PDE4B: variants seen among roughly 807,000 people sequenced by gnomAD.
The protein encoded by PDE4B is 3',5'-cyclic-AMP phosphodiesterase 4B.
PDE4B carries 20 observed loss-of-function variants against 82.2 expected under a neutral mutation model. The ratio of observed to expected loss-of-function variants is 0.24; its 90% CI spans 0.17 to 0.35. PDE4B has a LOEUF of 0.35. PDE4B is among the 10% of genes least tolerant of loss of function. PDE4B has a pLI of 1.00. For synonymous variants in PDE4B, 320 were observed against 318.9 expected (o/e 1.00, Z -0.04); for missense variants, 655 against 907.2 (o/e 0.72, Z 3.57).
At chr1:65,883,559 G>A (rs1646734835) in intron 1 of PDE4B, among the ~76,000 whole-genome samples, 1 of 152,164 alleles carries the variant, frequency 6.6e-6, no homozygotes, top group African/African-American at 2.4e-5. Context: ...ATTTTGGGCT[G>A]AGACAATGGG....
At chr1:66,241,448 ATATT>A (rs1251391671) in intron 3 of PDE4B, among the ~76,000 whole-genome samples, 43 of 152,334 alleles carry the variant, frequency 2.8e-4, no homozygotes, top group African/African-American at 7.7e-4. Flanking sequence ...AAATGGATAA[ATATT>A]TATTTGTTTT....
At chr1:66,273,884 A>C (rs1299353530) in intron 7 of PDE4B, among the ~76,000 whole-genome samples, 2 of 152,268 alleles carry the variant, frequency 1.3e-5, no homozygotes, top group African/African-American at 4.8e-5. Flanking sequence ...TAGTGCTGAC[A>C]TCCCTTGCTA....
chr1:66,162,930 A>G (rs1646646983), intron 3 of PDE4B, among the ~76,000 whole-genome samples: 1 of 152,192 alleles, frequency 6.6e-6, no homozygotes, highest in South Asian at 2.1e-4. Flanking sequence ...ACCCAAGTCA[A>G]CTTTTATTAC....
chr1:65,909,795 T>A, intron 1 of PDE4B, among the ~76,000 whole-genome samples: 1 of 152,202 alleles, frequency 6.6e-6, no homozygotes, highest in Non-Finnish European at 1.5e-5. Flanking sequence ...CTTACAACAT[T>A]TGCCTTAAAT....
intron 4 of PDE4B, among the ~76,000 whole-genome samples, chr1:66,255,292 T>C (rs1654124578): frequency 6.6e-6 from 1 of 152,118 alleles, no homozygotes; most frequent in Non-Finnish European, 1.5e-5. Context: ...TCCTCCATGT[T>C]GATCAGACTG....
intron 3 of PDE4B, among the ~76,000 whole-genome samples, chr1:66,210,920 T>A (rs1023742383): frequency 6.6e-6 from 1 of 152,216 alleles, no homozygotes; most frequent in Non-Finnish European, 1.5e-5. Context: ...TGCCTTCAGA[T>A]GGTTGTGTCT....
At chr1:66,286,500 A>G (rs1656686222) in intron 7 of PDE4B, among the ~76,000 whole-genome samples, 1 of 152,126 alleles carries the variant, frequency 6.6e-6, no homozygotes, top group Non-Finnish European at 1.5e-5. Context: ...GTGAAACATT[A>G]TTATTAATAA....
At chr1:66,264,453 C>T (rs1390612371) in intron 6 of PDE4B, among the ~76,000 whole-genome samples, 2 of 152,136 alleles carry the variant, frequency 1.3e-5, no homozygotes, top group Non-Finnish European at 2.9e-5. Context: ...CTCTGAGCTT[C>T]AGTTTTCTTA....
At chr1:66,158,285 G>A (rs1646540591) in intron 3 of PDE4B, among the ~76,000 whole-genome samples, 1 of 152,196 alleles carries the variant, frequency 6.6e-6, no homozygotes, top group African/African-American at 2.4e-5. Flanking sequence ...TATAGGATGA[G>A]AAAAGGTAAC....
chr1:66,350,582 C>T (rs910924198), intron 8 of PDE4B, among the ~76,000 whole-genome samples: 1 of 152,098 alleles, frequency 6.6e-6, no homozygotes, highest in African/African-American at 2.4e-5. Context: ...TTTATACTAG[C>T]TTCCTGTGTT....
chr1:65,892,571 G>A (rs1445824174), intron 1 of PDE4B, among the ~76,000 whole-genome samples: 1 of 151,982 alleles, frequency 6.6e-6, no homozygotes, highest in Non-Finnish European at 1.5e-5. Flanking sequence ...CCACTTAAAA[G>A]CGTGTCTGCA....
At chr1:66,263,761 GTAACTTAACCTTAAGTTAACCT>G (rs928976305) in intron 6 of PDE4B, among the ~76,000 whole-genome samples, 2 of 152,160 alleles carry the variant, frequency 1.3e-5, no homozygotes, top group African/African-American at 2.4e-5. Context: ...GGTTTGATGG[GTAACTTAACCTTAAGTTAACCT>G]TAACTTAACC....
intron 3 of PDE4B, among the ~76,000 whole-genome samples, chr1:66,222,946 G>T (rs1165541100): frequency 6.6e-6 from 1 of 152,256 alleles, no homozygotes; most frequent in African/African-American, 2.4e-5. Context: ...AATAATAAAA[G>T]ATAATTTAAA....
chr1:65,945,533 A>T (rs775608899), intron 3 of PDE4B, among the ~76,000 whole-genome samples: 2 of 151,956 alleles, frequency 1.3e-5, no homozygotes, highest in Non-Finnish European at 2.9e-5. Flanking sequence ...TTGCCACCGA[A>T]TGGCAGGTTG....
At chr1:66,266,356 A>T (rs1165458042) in intron 7 of PDE4B, among the ~76,000 whole-genome samples, 1 of 152,224 alleles carries the variant, frequency 6.6e-6, no homozygotes, top group Non-Finnish European at 1.5e-5. Flanking sequence ...TTCCCCAAAG[A>T]GGAGCAGGAG....
chr1:66,305,738 T>C (rs611838), intron 7 of PDE4B, among the ~76,000 whole-genome samples: 93,556 of 152,002 alleles, frequency 0.62, 29,366 homozygotes, highest in African/African-American at 0.7. Flanking sequence ...GTCTTCCTGG[T>C]AACTCCTTAA....
In PDE4B at chr1:66,363,541, C is replaced by T. The variant is rs1357901223; in HGVS notation, c.1254C>T (p.Thr418=). The change falls in exon 12 of 17, where the codon ACC becomes ACT. Residue 418 remains threonine (T), a synonymous_variant. Coordinates refer to ENST00000341517, the MANE Select transcript of PDE4B (RefSeq NM_002600.4). The part of the protein sequence containing the change: ...SLHAADVAQS[T]HVLLSTPALD... ...ACGCTGCTGATGTAGCCCAGTCGAC[C>T]CATGTTCTCCTTTCTACACCAGCAT... The T allele has an allele frequency of 6.2e-6, 10 of 1,613,004 alleles. No individual in the cohort carries two copies. The highest frequency in any genetic ancestry group is 8.5e-6 in the Non-Finnish European group (10 of 1,179,644).
chr1:66,095,526 T>C (rs1645098450), intron 3 of PDE4B, among the ~76,000 whole-genome samples: 1 of 151,940 alleles, frequency 6.6e-6, no homozygotes, highest in Non-Finnish European at 1.5e-5. Flanking sequence ...AAAAAAGTAC[T>C]AAGTAGTGAC....
intron 1 of PDE4B, among the ~76,000 whole-genome samples, chr1:65,807,997 T>C (rs1645775956): frequency 6.6e-6 from 1 of 152,140 alleles, no homozygotes; most frequent in Non-Finnish European, 1.5e-5. Flanking sequence ...TTATTGTTAC[T>C]TTGACCATAG....
Sources: allele counts gnomAD v4.1 joint callset (sites outside exome capture counted in the v4.1 genomes callset), GRCh38; gene constraint gnomAD v4.1.1; transcripts MANE v1.5; gene names NCBI Gene and HGNC (gene_info 2026-07-23, HGNC 2026-07-21).